VOPP1: variants seen among roughly 807,000 people sequenced by gnomAD.
The protein encoded by VOPP1 is VOPP1 WW domain binding protein, also known as WW domain binding protein VOPP1.
VOPP1 carries 8 observed loss-of-function variants against 23.5 expected under a neutral mutation model. The observed-to-expected ratio is 0.34, with a 90% CI of 0.20 to 0.61. The LOEUF (loss-of-function observed/expected upper bound fraction) is 0.61. Ranked by LOEUF, VOPP1 falls within the 20% of genes least tolerant of loss-of-function variation. The pLI is 0.78. For missense variants in VOPP1, 174 were observed against 238.1 expected, an observed-to-expected ratio of 0.73 and a Z score of 1.77; for synonymous variants, 83 against 97.3, an observed-to-expected ratio of 0.85 and a Z score of 0.86.
At chr7:55,449,638 G>A (rs1791192854) in intron 4 of VOPP1, among the ~76,000 whole-genome samples, 1 of 152,216 alleles carries the variant, frequency 6.6e-6, no homozygotes, top group Admixed American at 6.5e-5. Context: ...CCTGTGACTG[G>A]CTGGGGTCAC....
chr7:55,505,819 T>C (rs898435689), intron 2 of VOPP1, among the ~76,000 whole-genome samples: 6 of 152,176 alleles, frequency 3.9e-5, no homozygotes, highest in Non-Finnish European at 8.8e-5. Flanking sequence ...TTCTTCTATG[T>C]TGAGATTTTA....
At chr7:55,537,420 C>T (rs1238460451) in intron 1 of VOPP1, 6 of 1,523,758 alleles carry the variant, frequency 3.9e-6, no homozygotes, top group East Asian at 2.4e-5. Context: ...TAACTGCCCA[C>T]CATGCTCTTC....
chr7:55,455,842 T>TA (rs1405255436), intron 4 of VOPP1, among the ~76,000 whole-genome samples: 3 of 152,086 alleles, frequency 2.0e-5, no homozygotes, highest in Non-Finnish European at 4.4e-5. Flanking sequence ...CCTAAAACCA[T>TA]AAAAACCCTA....
At chr7:55,449,190 C>T (rs766426338) in intron 4 of VOPP1, among the ~76,000 whole-genome samples, 147 of 152,340 alleles carry the variant, frequency 9.6e-4, no homozygotes, top group Non-Finnish European at 1.8e-3. Context: ...GCTCCCGGAG[C>T]GCCGCGGGTC....
chr7:55,555,969 T>G (rs1216400905), intron 1 of VOPP1, among the ~76,000 whole-genome samples: 1 of 152,216 alleles, frequency 6.6e-6, no homozygotes, highest in South Asian at 2.1e-4. Context: ...CCATGTGTTC[T>G]AAGATGTTTC....
chr7:55,500,499 T>C (rs1042190485), intron 2 of VOPP1, among the ~76,000 whole-genome samples: 1 of 152,232 alleles, frequency 6.6e-6, no homozygotes, highest in Non-Finnish European at 1.5e-5. Flanking sequence ...TGCAGCCCAC[T>C]GCTTAATCTC....
rs968620693 is a variant in VOPP1, at chr7:55,521,452, T to C, written c.55-322A>G. ...TATGATACTTCAGATTACAAAAGAATGCTAGAAATAAAGCACTGCAAAGAT... is the reference window on the plus strand; with the variant it reads ...TATGATACTTCAGATTACAAAAGAACGCTAGAAATAAAGCACTGCAAAGAT... On this transcript the variant is annotated intron_variant, in intron 1 of 4. Transcript: ENST00000285279. The C allele has an allele frequency of 1.6e-5, 13 of 790,410 alleles. No individual in the cohort carries two copies. In the Admixed American group the frequency reaches 6.4e-4, roughly 39 times the overall value. The allele number at this position is 790,410 out of a possible 1,614,324, so 49.0% of individuals were successfully genotyped here. A position where few individuals can be genotyped will look rare whatever the true frequency, so the allele number is the denominator to read the frequency against.
Position 55,445,210 on chromosome 7 carries a change from CACACAG to C in VOPP1, n.418-9042_418-9037del, listed in dbSNP as rs1424144071. On this transcript the variant is annotated intron_variant and non_coding_transcript_variant, in intron 4 of 4. Transcript: ENST00000462326. ...CTCTCTCTCACTTTCTCTACACACA[CACACAG>C]ACACACACACACAGACACACACACA... 6.3e-4 allele frequency among the ~76,000 whole-genome samples: 85 copies of C among 135,670 alleles called. 1 individual carries two copies. The highest frequency in any genetic ancestry group is 1.6e-3 in the South Asian group (7 of 4,246). The allele number at this position is 135,670 out of a possible 152,430, so 89.0% of individuals were successfully genotyped here.
At chr7:55,554,446 A>G (rs559090316) in intron 1 of VOPP1, among the ~76,000 whole-genome samples, 11 of 152,380 alleles carry the variant, frequency 7.2e-5, no homozygotes, top group Non-Finnish European at 1.0e-4. Context: ...AAAAGCTCAC[A>G]TGGGCAGAAT....
chr7:55,512,990 A>G, intron 2 of VOPP1, among the ~76,000 whole-genome samples: 1 of 152,226 alleles, frequency 6.6e-6, no homozygotes, highest in South Asian at 2.1e-4. Flanking sequence ...TGTGAACAGC[A>G]CTTCATCCAC....
At chr7:55,546,711 G>A (rs1224180653) in intron 1 of VOPP1, among the ~76,000 whole-genome samples, 3 of 152,122 alleles carry the variant, frequency 2.0e-5, no homozygotes, top group East Asian at 1.9e-4. Context: ...GTGCTCCCCC[G>A]CCAAGAAATA....
intron 1 of VOPP1, among the ~76,000 whole-genome samples, chr7:55,568,818 G>A (rs1798250672): frequency 6.6e-6 from 1 of 152,124 alleles, no homozygotes; most frequent in African/African-American, 2.4e-5. Flanking sequence ...TTTCTAAGGA[G>A]TTACTGTGTG....
intron 2 of VOPP1, among the ~76,000 whole-genome samples, chr7:55,515,421 C>T (rs1041613576): frequency 5.3e-5 from 8 of 152,294 alleles, no homozygotes; most frequent in Non-Finnish European, 7.3e-5. Context: ...GTAAAATCAG[C>T]GGACCCATCA....
intron 4 of VOPP1, among the ~76,000 whole-genome samples, chr7:55,462,357 T>C (rs764156089): frequency 1.6e-4 from 25 of 152,322 alleles, no homozygotes; most frequent in Admixed American, 7.2e-4. Flanking sequence ...TCAATCTATT[T>C]GGGTATCTTT....
intron 2 of VOPP1, among the ~76,000 whole-genome samples, chr7:55,506,196 C>A (rs187159866): frequency 6.6e-6 from 1 of 152,342 alleles, no homozygotes; most frequent in East Asian, 1.9e-4. Flanking sequence ...GGCATTCCTG[C>A]CTCTTCCCTC....
intron 1 of VOPP1, among the ~76,000 whole-genome samples, chr7:55,555,752 T>G (rs1797780071): frequency 6.6e-6 from 1 of 152,176 alleles, no homozygotes; most frequent in African/African-American, 2.4e-5. Flanking sequence ...GGGAACATAA[T>G]TCTTTATGAG....
chr7:55,553,360 C>G (rs759024067), intron 1 of VOPP1, among the ~76,000 whole-genome samples: 1 of 152,252 alleles, frequency 6.6e-6, no homozygotes, highest in Non-Finnish European at 1.5e-5. Context: ...TTTAAGGGGA[C>G]TGCTTCCCAG....
chr7:55,511,951 T>C (rs149344337), intron 2 of VOPP1, among the ~76,000 whole-genome samples: 1,668 of 152,318 alleles, frequency 0.011, 11 homozygotes, highest in Middle Eastern at 0.02. Flanking sequence ...ACTGGGTTTA[T>C]AAGAATTACA....
At chr7:55,497,771 A>G (rs1184448636) in intron 2 of VOPP1, 81 bp from the exon 3 acceptor site, 19 of 1,223,348 alleles carry the variant, frequency 1.6e-5, no homozygotes, top group South Asian at 1.2e-4. Context: ...CTGGGCTTCA[A>G]TGTAATCATT....
Sources: gnomAD v4.1 joint callset for allele counts (sites outside exome capture counted in the v4.1 genomes callset) on GRCh38, gnomAD v4.1.1 for gene constraint, MANE v1.5 for transcripts, NCBI Gene and HGNC (gene_info 2026-07-23, HGNC 2026-07-21) for gene names.